The following PTPRG variants were observed in gnomAD, a reference collection of about 807,000 sequenced individuals.
PTPRG encodes the protein protein tyrosine phosphatase receptor type G, also known as receptor-type tyrosine-protein phosphatase gamma.
In PTPRG, 102 loss-of-function variants were observed where a neutral mutation model predicts 165.3. That is an observed-to-expected ratio of 0.62 (90% CI 0.53 to 0.73). The LOEUF (loss-of-function observed/expected upper bound fraction) is 0.73. PTPRG is among the 30% of genes least tolerant of loss of function. The pLI, the probability that PTPRG is intolerant of heterozygous loss-of-function variation, is 0.00. For synonymous variants in PTPRG, 675 were observed against 669.5 expected (o/e 1.01, Z -0.13); for missense variants, 1,866 against 1,861.4 (o/e 1.00, Z -0.05).
intron 8 of PTPRG, among the ~76,000 whole-genome samples, chr3:62,173,892 C>G (rs548673148): frequency 6.6e-6 from 1 of 152,188 alleles, no homozygotes; most frequent in South Asian, 2.1e-4. Context: ...GAGGCAGGGC[C>G]CCTTAAGAAA....
rs1416708938 is a variant in PTPRG at position 61,738,292 on chromosome 3, A to ATGTGTG, written c.86-10585_86-10584insGTGTGT. ...TATATATATATACATATATATATAT[A>ATGTGTG]TATATATATATATATATATACATAT... On this transcript the variant is annotated intron_variant, in intron 1 of 29. Transcript: ENST00000474889. Among the ~76,000 whole-genome samples, 35 of 74,038 alleles carry ATGTGTG rather than the reference A, an allele frequency of 4.7e-4. 3 individuals carry two copies. The highest frequency in any genetic ancestry group is 5.8e-4 in the Non-Finnish European group (21 of 36,440). The allele number at this position is 74,038 out of a possible 152,430, so 48.6% of individuals were successfully genotyped here.
intron 1 of PTPRG, among the ~76,000 whole-genome samples, chr3:61,597,586 C>T (rs1198312762): frequency 4.6e-5 from 7 of 152,188 alleles, no homozygotes; most frequent in Non-Finnish European, 1.0e-4. Context: ...CTGATTTAAT[C>T]TTTTTACCAT....
chr3:62,024,971 C>T (rs1455881707), intron 4 of PTPRG, among the ~76,000 whole-genome samples: 2 of 152,140 alleles, frequency 1.3e-5, no homozygotes, highest in Admixed American at 6.5e-5. Flanking sequence ...TTGTGTCGAC[C>T]TAACCCTAGC....
At chr3:62,265,668 G>A (rs939618559) in intron 17 of PTPRG, among the ~76,000 whole-genome samples, 14 of 152,110 alleles carry the variant, frequency 9.2e-5, no homozygotes, top group African/African-American at 3.1e-4. Flanking sequence ...GAACAAGGAA[G>A]AAAGTCAAAC....
At chr3:61,904,399 T>A (rs899814622) in intron 2 of PTPRG, among the ~76,000 whole-genome samples, 2 of 152,178 alleles carry the variant, frequency 1.3e-5, no homozygotes, top group East Asian at 3.8e-4. Context: ...AGTGCTGTGT[T>A]TTTATGTCAT....
chr3:61,939,616 A>T (rs1249869090), intron 2 of PTPRG, among the ~76,000 whole-genome samples: 1 of 152,240 alleles, frequency 6.6e-6, no homozygotes, highest in Admixed American at 6.5e-5. Flanking sequence ...AGTTTTCAAT[A>T]ATAGTACATG....
In PTPRG at chr3:62,138,441, G is replaced by A. The variant is rs747414868; in HGVS notation, c.682+5773G>A. Reference sequence around the variant, plus strand: ...CCATGTTAAGAAATGTGTGTGGGCCGGGTGCAGTGGCTCATGCCTATAATG... The same window carrying A: ...CCATGTTAAGAAATGTGTGTGGGCCAGGTGCAGTGGCTCATGCCTATAATG... On this transcript the variant is annotated intron_variant, in intron 6 of 29. Coordinates refer to ENST00000474889, the MANE Select transcript of PTPRG (RefSeq NM_002841.4). Among the ~76,000 whole-genome samples the A allele has an allele frequency of 8.7e-4, 132 of 152,220 alleles. 1 individual carries two copies. The highest frequency in any genetic ancestry group is 6.8e-3 in the Middle Eastern group (2 of 294).
intron 7 of PTPRG, among the ~76,000 whole-genome samples, chr3:62,161,479 A>G (rs961000147): frequency 6.6e-6 from 1 of 152,228 alleles, no homozygotes; most frequent in Non-Finnish European, 1.5e-5. Context: ...TGGCTGTCAC[A>G]GCTGTAAGGT....
At chr3:61,787,180 C>G (rs2034731404) in intron 2 of PTPRG, among the ~76,000 whole-genome samples, 1 of 152,118 alleles carries the variant, frequency 6.6e-6, no homozygotes, top group Non-Finnish European at 1.5e-5. Flanking sequence ...GTTCTTCTCT[C>G]CGTCCTAACC....
intron 1 of PTPRG, among the ~76,000 whole-genome samples, chr3:61,567,357 C>T (rs1353444159): frequency 6.6e-6 from 1 of 151,952 alleles, no homozygotes; most frequent in Non-Finnish European, 1.5e-5. Flanking sequence ...CTGAATTTGT[C>T]CCAGAATGAG....
At chr3:61,704,981 A>G (rs921431519) in intron 1 of PTPRG, among the ~76,000 whole-genome samples, 5 of 152,212 alleles carry the variant, frequency 3.3e-5, no homozygotes, top group Admixed American at 3.3e-4. Context: ...TGCTGAGAGC[A>G]GACCTGTTAA....
At chr3:61,824,361 C>T (rs999931821) in intron 2 of PTPRG, among the ~76,000 whole-genome samples, 1 of 152,196 alleles carries the variant, frequency 6.6e-6, no homozygotes, top group African/African-American at 2.4e-5. Flanking sequence ...ATGTAAGCAA[C>T]CTTCCTTCAC....
intron 26 of PTPRG, among the ~76,000 whole-genome samples, chr3:62,281,330 G>GT (rs1278922081): frequency 1.3e-5 from 2 of 151,862 alleles, no homozygotes; most frequent in African/African-American, 4.8e-5. Context: ...GAGTGTTTCA[G>GT]GTTGCTACAC....
intron 5 of PTPRG, among the ~76,000 whole-genome samples, chr3:62,122,972 T>C (rs1258267297): frequency 6.6e-6 from 1 of 152,198 alleles, no homozygotes; most frequent in Non-Finnish European, 1.5e-5. Flanking sequence ...GGCAGAGCAC[T>C]GTGATTTGTT....
At chr3:61,828,188 G>A (rs1031807213) in intron 2 of PTPRG, among the ~76,000 whole-genome samples, 9 of 151,968 alleles carry the variant, frequency 5.9e-5, no homozygotes, top group African/African-American at 1.5e-4. Flanking sequence ...TATTCTAAGC[G>A]TTTCTACGAA....
At chr3:61,866,141 G>C (rs560560000) in intron 2 of PTPRG, among the ~76,000 whole-genome samples, 1 of 152,140 alleles carries the variant, frequency 6.6e-6, no homozygotes, top group Non-Finnish European at 1.5e-5. Flanking sequence ...ATGCAGCACC[G>C]GTCCTCCTGC....
rs75015064 is a variant in PTPRG at position 62,246,341 on chromosome 3, G to A, written c.2467+2443G>A. Among the ~76,000 whole-genome samples the A allele has an allele frequency of 6.0e-3, 911 of 152,228 alleles. 4 individuals carry two copies. The highest frequency in any genetic ancestry group is 8.3e-3 in the Non-Finnish European group (565 of 67,986). On this transcript the variant is annotated intron_variant, in intron 15 of 29. Coordinates refer to ENST00000474889, the MANE Select transcript of PTPRG (RefSeq NM_002841.4). Reference sequence around the variant, plus strand: ...TTCATAGCTAACATAGCCTTATTAGGAGTATGCCTAAACAAATGAACTTAC... The same window carrying A: ...TTCATAGCTAACATAGCCTTATTAGAAGTATGCCTAAACAAATGAACTTAC...
At chr3:61,910,955 A>T (rs2107540283) in intron 2 of PTPRG, among the ~76,000 whole-genome samples, 1 of 152,306 alleles carries the variant, frequency 6.6e-6, no homozygotes, top group African/African-American at 2.4e-5. Context: ...TTCTGGCCAC[A>T]GAAGACCTCT....
chr3:62,074,379 A>T (rs1291269655), intron 4 of PTPRG, among the ~76,000 whole-genome samples: 1 of 104,810 alleles, frequency 9.5e-6, no homozygotes, highest in African/African-American at 4.1e-5. Flanking sequence ...TTTTTGAGAC[A>T]GGATCTTGCT....
Sources: gnomAD v4.1 joint callset for allele counts (sites outside exome capture counted in the v4.1 genomes callset) on GRCh38, gnomAD v4.1.1 for gene constraint, MANE v1.5 for transcripts, NCBI Gene and HGNC (gene_info 2026-07-23, HGNC 2026-07-21) for gene names.